Variants in CHD6 observed in about 807,000 individuals in gnomAD.
CHD6 encodes the protein ATP-dependent chromatin remodeler CHD6.
CHD6 carries 50 observed loss-of-function variants against 276.9 expected under a neutral mutation model. The ratio of observed to expected loss-of-function variants is 0.18; its 90% confidence interval spans 0.14 to 0.23. CHD6 has a LOEUF of 0.23. Ranked by LOEUF, CHD6 falls within the 10% of genes least tolerant of loss-of-function variation. CHD6 has a pLI of 1.00. For synonymous variants in CHD6, 1,173 were observed against 1,229.3 expected (o/e 0.95, Z 0.96); for missense variants, 2,564 against 3,365.8 (o/e 0.76, Z 5.89).
intron 1 of CHD6, among the ~76,000 whole-genome samples, chr20:41,559,959 G>A (rs1568702362): frequency 6.6e-6 from 1 of 152,028 alleles, no homozygotes; most frequent in Non-Finnish European, 1.5e-5. Flanking sequence ...AACCTGCCAT[G>A]CCACCCAGCC....
At position 41,487,840 on chromosome 20, in the gene CHD6, G is replaced by A. The variant is rs374618211; in HGVS notation, c.1858-32C>T. The A allele has an allele frequency of 3.0e-5, 48 of 1,585,726 alleles. No individual in the cohort carries two copies. In the African/African-American group the frequency reaches 3.8e-4, roughly 13 times the overall value. ...AAATTAAACATACATGATGGACAGT[G>A]CTTGAGCCATCAAAATAGTGCATTT... On this transcript the variant is annotated intron_variant, in intron 13 of 36. Transcript: ENST00000373233.
chr20:41,529,183 T>C (rs919704037), intron 3 of CHD6, among the ~76,000 whole-genome samples: 1 of 152,212 alleles, frequency 6.6e-6, no homozygotes, highest in African/African-American at 2.4e-5. Flanking sequence ...AAAATGGATA[T>C]ATTACCTACT....
chr20:41,425,489 C>T lies in CHD6; in HGVS notation c.4130-95G>A. On this transcript the variant is annotated intron_variant, in intron 28 of 36. Transcript: ENST00000373233. ...TGTTTAAATAAAAACAAAGCTGACT[C>T]AATAATTTACTCAAAGTAGTTACTG... 5 of 1,206,278 alleles carry T rather than the reference C, an allele frequency of 4.1e-6. No individual in the cohort carries two copies. The South Asian group carries it at 6.9e-5, about 17-fold the overall frequency. The allele number at this position is 1,206,278 out of a possible 1,614,324, so 74.7% of individuals were successfully genotyped here. A position where few individuals can be genotyped will look rare whatever the true frequency, so the allele number is the denominator to read the frequency against.
rs1352998936 is a variant in CHD6 at position 41,403,471 on chromosome 20, A to G, written c.*1122T>C. The stretch of plus-strand genomic sequence containing the variant: ...CTTGCAATGTAGTTTCGATTAACTG[A>G]TAATTTGGAATTTGGGTCCAACTGT... On this transcript the variant is annotated 3_prime_UTR_variant, in exon 37 of 37. Coordinates refer to ENST00000373233, the MANE Select transcript of CHD6 (RefSeq NM_032221.5). The G allele has an allele frequency of 9.4e-7, 1 of 1,062,064 alleles. No individual in the cohort carries two copies. Among genetic ancestry groups the G allele is most frequent in the African/African-American group, 1.6e-5 (1 of 60,898 alleles). The allele number at this position is 1,062,064 out of a possible 1,614,324, so 65.8% of individuals were successfully genotyped here.
At position 41,403,275 on chromosome 20, in the gene CHD6, T is replaced by C. The variant is rs1445279363; in HGVS notation, c.*1318A>G. On this transcript the variant is annotated 3_prime_UTR_variant, in exon 37 of 37. Transcript: ENST00000373233. ...GCGCAGCCCTGCGCCCCCAGAGTAC[T>C]GAACCATGAGCTTACTTCAAGTCTC... 1.9e-6 allele frequency: 2 copies of C among 1,062,476 alleles called. No individual in the cohort carries two copies. Among genetic ancestry groups the C allele is most frequent in the Non-Finnish European group, 2.3e-6 (2 of 877,312 alleles). The allele number at this position is 1,062,476 out of a possible 1,614,324, so 65.8% of individuals were successfully genotyped here.
rs75018987 is a variant in CHD6, at chr20:41,427,332, C to T, written c.4069-1179G>A. On this transcript the variant is annotated intron_variant, in intron 27 of 36. Coordinates refer to ENST00000373233, the MANE Select transcript of CHD6 (RefSeq NM_032221.5). ...ATTTTCTGAATGAATTTCTCTCTTACGCAGAACAGCGTTAACAGCTAATAT... is the reference window on the plus strand; with the variant it reads ...ATTTTCTGAATGAATTTCTCTCTTATGCAGAACAGCGTTAACAGCTAATAT... 1.5e-3 allele frequency among the ~76,000 whole-genome samples: 226 copies of T among 152,072 alleles called. 2 individuals are homozygous for T. In the East Asian group the frequency reaches 0.023, roughly 15 times the overall value.
chr20:41,464,230 T>C (rs993587560), intron 17 of CHD6, among the ~76,000 whole-genome samples: 1 of 152,210 alleles, frequency 6.6e-6, no homozygotes, highest in Admixed American at 6.5e-5. Context: ...TTCAATTGTT[T>C]CATTTTGCTT....
At chr20:41,437,230 T>G in intron 27 of CHD6, 44 bp downstream of exon 27, 1 of 1,446,434 alleles carries the variant, frequency 6.9e-7, no homozygotes, top group Non-Finnish European at 9.7e-7. Context: ...TCTTTCTTAA[T>G]ATGAAAGACG....
intron 1 of CHD6, among the ~76,000 whole-genome samples, chr20:41,600,682 C>G (rs184704421): frequency 6.6e-6 from 1 of 152,146 alleles, no homozygotes; most frequent in African/African-American, 2.4e-5. Flanking sequence ...TGTGACTGAA[C>G]GCCTAAATAC....
intron 1 of CHD6, among the ~76,000 whole-genome samples, chr20:41,591,006 T>G (rs974429066): frequency 9.2e-5 from 14 of 151,666 alleles, no homozygotes; most frequent in Non-Finnish European, 1.9e-4. Flanking sequence ...GTGGCACATA[T>G]ACACCATGGA....
chr20:41,614,612 A>C (rs2045918466), intron 1 of CHD6: 1 of 152,238 alleles, frequency 6.6e-6, no homozygotes, highest in Admixed American at 6.5e-5. Context: ...CAGGTACTAC[A>C]GGCAAAAACA....
intron 25 of CHD6, among the ~76,000 whole-genome samples, chr20:41,445,317 T>C (rs73611274): frequency 0.023 from 3,452 of 152,274 alleles, 48 homozygotes; most frequent in South Asian, 0.042. Flanking sequence ...TTCCCGCCAT[T>C]TATTTACTCC....
chr20:41,605,596 G>A (rs1007053226), intron 1 of CHD6, among the ~76,000 whole-genome samples: 9 of 152,162 alleles, frequency 5.9e-5, no homozygotes, highest in Non-Finnish European at 1.3e-4. Context: ...TTTAAAGGGT[G>A]TATTAGTACT....
At chr20:41,462,041 T>C (rs1460013248) in intron 17 of CHD6, 3 of 152,192 alleles carry the variant, frequency 2.0e-5, no homozygotes, top group Non-Finnish European at 2.9e-5. Flanking sequence ...GACAACAATC[T>C]GGATACCCTA....
chr20:41,519,909 C>T (rs1450239568), intron 3 of CHD6, among the ~76,000 whole-genome samples: 2 of 152,116 alleles, frequency 1.3e-5, no homozygotes, highest in African/African-American at 4.8e-5. Flanking sequence ...GGAGAAAATT[C>T]TTGCAATCTA....
At chr20:41,416,854 C>G in intron 32 of CHD6, 60 bp from the exon 33 acceptor site, 1 of 1,372,876 alleles carries the variant, frequency 7.3e-7, no homozygotes, top group Non-Finnish European at 9.7e-7. Flanking sequence ...TCACAAAATC[C>G]TTTGAGATCA....
intron 17 of CHD6, among the ~76,000 whole-genome samples, chr20:41,464,448 T>G (rs1437979108): frequency 6.6e-6 from 1 of 152,236 alleles, no homozygotes; most frequent in East Asian, 1.9e-4. Flanking sequence ...TAAAACTACT[T>G]GATGTGTATA....
intron 17 of CHD6, 96 bp from the exon 18 acceptor site, chr20:41,457,524 G>A (rs1280290855): frequency 9.4e-6 from 13 of 1,383,368 alleles, no homozygotes; most frequent in South Asian, 1.4e-5. Flanking sequence ...TGTGGTGTGA[G>A]TGGCCAACTC....
At chr20:41,571,939 T>A (rs975507672) in intron 1 of CHD6, among the ~76,000 whole-genome samples, 1 of 152,210 alleles carries the variant, frequency 6.6e-6, no homozygotes, top group Non-Finnish European at 1.5e-5. Flanking sequence ...ATACTGCTTT[T>A]CCCCAAAAGT....
Sources: gnomAD v4.1 joint callset for allele counts (sites outside exome capture counted in the v4.1 genomes callset) on GRCh38, gnomAD v4.1.1 for gene constraint, MANE v1.5 for transcripts, NCBI Gene and HGNC (gene_info 2026-07-23, HGNC 2026-07-21) for gene names.